Variants in SCAPER observed in about 807,000 individuals in gnomAD.
SCAPER encodes the protein S phase cyclin A-associated protein in the endoplasmic reticulum.
Under a neutral mutation model 182.2 loss-of-function variants are expected in SCAPER, and 98 were observed. The ratio of observed to expected loss-of-function variants is 0.54; its 90% CI spans 0.46 to 0.64. SCAPER has a LOEUF of 0.64. Among genes scored for constraint, SCAPER ranks in the 30% least tolerant of loss-of-function variants. The pLI is 0.00. For synonymous variants in SCAPER, 605 were observed against 564.6 expected, an observed-to-expected ratio of 1.07 and a Z score of -1.01; for missense variants, 1,432 against 1,690.0, an observed-to-expected ratio of 0.85 and a Z score of 2.68.
intron 20 of SCAPER, among the ~76,000 whole-genome samples, chr15:76,669,325 T>C (rs945082718): frequency 6.6e-6 from 1 of 152,226 alleles, no homozygotes; most frequent in African/African-American, 2.4e-5. Flanking sequence ...TATACCTTTA[T>C]ACAGTAGCAC....
chr15:76,436,162 G>A (rs867986964), intron 25 of SCAPER, among the ~76,000 whole-genome samples: 23 of 152,080 alleles, frequency 1.5e-4, no homozygotes, highest in Admixed American at 5.2e-4. Flanking sequence ...CTGCCTCTTG[G>A]GTTCAAGCAA....
In SCAPER at chr15:76,645,494, T is replaced by G. The variant is rs999560946; in HGVS notation, c.2645+20159A>C. The stretch of plus-strand genomic sequence containing the variant: ...AAATATTCCATCTTAGCACAATACC[T>G]GAGGCATAATAAGAGCTCAGTAAAG... On this transcript the variant is annotated intron_variant, in intron 21 of 31. Transcript: ENST00000563290. Among the ~76,000 whole-genome samples, 3 of 151,964 alleles carry G rather than the reference T, an allele frequency of 2.0e-5. No homozygotes were observed. The East Asian group carries it at 5.8e-4, about 29-fold the overall frequency.
chr15:76,883,344 A>C (rs1227493148), intron 2 of SCAPER, among the ~76,000 whole-genome samples: 1 of 152,130 alleles, frequency 6.6e-6, no homozygotes. Context: ...TGAGTTAGAA[A>C]AGTAAAGTGT....
chr15:76,380,413 T>TA (rs1329420733), intron 28 of SCAPER: 1 of 152,092 alleles, frequency 6.6e-6, no homozygotes, highest in Non-Finnish European at 1.5e-5. Context: ...TGATACAACT[T>TA]AGTCACAAGT....
intron 25 of SCAPER, among the ~76,000 whole-genome samples, chr15:76,449,180 T>A (rs1432915705): frequency 6.6e-6 from 1 of 152,224 alleles, no homozygotes; most frequent in East Asian, 1.9e-4. Flanking sequence ...GCCTATCAAA[T>A]ATCTACTAAA....
At chr15:76,850,621 G>C (rs1399967760) in intron 4 of SCAPER, among the ~76,000 whole-genome samples, 1 of 152,176 alleles carries the variant, frequency 6.6e-6, no homozygotes, top group African/African-American at 2.4e-5. Flanking sequence ...AGCACTTTGA[G>C]AGGCTAAGGA....
At chr15:76,809,089 C>T (rs2066401406) in intron 5 of SCAPER, among the ~76,000 whole-genome samples, 1 of 152,076 alleles carries the variant, frequency 6.6e-6, no homozygotes, top group African/African-American at 2.4e-5. Context: ...TAGATCAGCA[C>T]AAAGGTTTGA....
chr15:76,381,386 C>T lies in SCAPER; in HGVS notation c.3697G>A (p.Ala1233Thr). The T allele has an allele frequency of 6.2e-7, 1 of 1,612,468 alleles. No individual in the cohort carries two copies. The highest frequency in any genetic ancestry group is 8.5e-7 in the Non-Finnish European group (1 of 1,179,082). The change falls in exon 28 of 32, where the codon GCT becomes ACT. Residue 1233 changes from alanine to threonine, a missense_variant. Ala to Thr is a moderately conservative substitution (Grantham distance 58, BLOSUM62 0). Transcript: ENST00000563290. The stretch of plus-strand genomic sequence containing the variant: ...AAACCAATACTTGGTACCTGAAAAG[C>T]AGGCAGATGAAGAGCTGCAAAGCTG... ...FNSFAALHLPAFQSIVGAEGL... is the reference protein window; with the variant it reads ...FNSFAALHLPTFQSIVGAEGL...
intron 20 of SCAPER, among the ~76,000 whole-genome samples, chr15:76,698,704 T>C (rs2058776534): frequency 6.6e-6 from 1 of 152,230 alleles, no homozygotes; most frequent in African/African-American, 2.4e-5. Context: ...AGCAAAATTC[T>C]TCCAAGTTAA....
At chr15:76,570,546 TAAGTCC>T (rs3991882) in intron 23 of SCAPER, among the ~76,000 whole-genome samples, 74,513 of 151,098 alleles carry the variant, frequency 0.49, 19,149 homozygotes, top group Middle Eastern at 0.64. Context: ...TCACTATTGC[TAAGTCC>T]AAGTCCATTC....
chr15:76,353,916 A>C, intron 30 of SCAPER, 33 bp downstream of exon 30: 1 of 1,482,190 alleles, frequency 6.7e-7, no homozygotes, highest in Non-Finnish European at 8.9e-7. Flanking sequence ...TTTACACACA[A>C]AGCTAGACAA....
chr15:76,862,580 A>C (rs2071962740), intron 2 of SCAPER, 47 bp from the exon 3 acceptor site: 1 of 1,180,260 alleles, frequency 8.5e-7, no homozygotes, highest in Non-Finnish European at 1.2e-6. Context: ...GATAAGTCAA[A>C]ATATATATTT....
At chr15:76,720,036 A>G (rs1478596452) in intron 17 of SCAPER, among the ~76,000 whole-genome samples, 2 of 151,184 alleles carry the variant, frequency 1.3e-5, no homozygotes, top group East Asian at 1.9e-4. Context: ...CCATTAACTC[A>G]TCATTTAGCA....
At position 76,833,275 on chromosome 15, in the gene SCAPER, C is replaced by A. The variant is rs138548857; in HGVS notation, c.393+8459G>T. On this transcript the variant is annotated intron_variant, in intron 5 of 31. Coordinates refer to ENST00000563290, the MANE Select transcript of SCAPER (RefSeq NM_020843.4). Reference sequence around the variant, plus strand: ...ACCAAGAATTTCATATCCAGCCAAACTAAGCTTCATAAGCAAAGGAGAAAT... The same window carrying A: ...ACCAAGAATTTCATATCCAGCCAAAATAAGCTTCATAAGCAAAGGAGAAAT... 2.6e-4 allele frequency among the ~76,000 whole-genome samples: 40 copies of A among 152,256 alleles called. No individual in the cohort carries two copies. The East Asian group carries it at 7.3e-3, about 28-fold the overall frequency.
chr15:76,866,661 T>G (rs1303246637), intron 2 of SCAPER, among the ~76,000 whole-genome samples: 1 of 152,182 alleles, frequency 6.6e-6, no homozygotes, highest in Non-Finnish European at 1.5e-5. Flanking sequence ...CTGAATGGAT[T>G]CCTTTTAGTA....
At chr15:76,433,328 T>C (rs868162726) in intron 26 of SCAPER, among the ~76,000 whole-genome samples, 1 of 152,104 alleles carries the variant, frequency 6.6e-6, no homozygotes, top group East Asian at 1.9e-4. Flanking sequence ...GCAAACATGG[T>C]GAAACCTTAT....
chr15:76,762,882 C>T (rs1016628314), intron 14 of SCAPER, among the ~76,000 whole-genome samples: 22 of 152,148 alleles, frequency 1.4e-4, no homozygotes, highest in African/African-American at 5.3e-4. Flanking sequence ...GTGTGAGACA[C>T]CTGGCCTCAT....
At chr15:76,548,082 T>C (rs2045444133) in intron 23 of SCAPER, among the ~76,000 whole-genome samples, 1 of 147,464 alleles carries the variant, frequency 6.8e-6, no homozygotes, top group African/African-American at 2.5e-5. Flanking sequence ...TATAATTTTA[T>C]TCATAAAATC....
chr15:76,655,007 C>G (rs1477889738), intron 21 of SCAPER, among the ~76,000 whole-genome samples: 1 of 152,194 alleles, frequency 6.6e-6, no homozygotes, highest in East Asian at 1.9e-4. Context: ...CTTCTTACCT[C>G]AAAACAACAG....
Sources: allele counts gnomAD v4.1 joint callset (sites outside exome capture counted in the v4.1 genomes callset), GRCh38; gene constraint gnomAD v4.1.1; transcripts MANE v1.5; gene names NCBI Gene and HGNC (gene_info 2026-07-23, HGNC 2026-07-21).